The following PHYHIPL variants were observed in gnomAD, a reference collection of about 807,000 sequenced individuals.
The protein encoded by PHYHIPL is phytanoyl-CoA hydroxylase-interacting protein-like.
A neutral mutation model predicts 33.4 loss-of-function variants in PHYHIPL; 9 were observed. The ratio of observed to expected loss-of-function variants is 0.27; its 90% CI spans 0.16 to 0.47. The LOEUF is 0.47. Among genes scored for constraint, PHYHIPL ranks in the 20% least tolerant of loss-of-function variants. The pLI is 0.99. For synonymous variants in PHYHIPL, 153 were observed against 154.1 expected (o/e 0.99, Z 0.05); for missense variants, 365 against 460.7 (o/e 0.79, Z 1.90).
chr10:59,188,778 A>C (rs1768000580), intron 1 of PHYHIPL, among the ~76,000 whole-genome samples: 1 of 152,186 alleles, frequency 6.6e-6, no homozygotes, highest in Admixed American at 6.5e-5. Flanking sequence ...ATCCGAGACT[A>C]AGATTGCAAC....
intron 1 of PHYHIPL, among the ~76,000 whole-genome samples, chr10:59,199,720 C>A (rs944218541): frequency 1.3e-5 from 2 of 152,164 alleles, no homozygotes; most frequent in Non-Finnish European, 2.9e-5. Context: ...TTTGTATCCT[C>A]TTTTATTTCT....
At chr10:59,244,905 A>G in intron 4 of PHYHIPL, 152 bp from the exon 5 acceptor site, 2 of 727,942 alleles carry the variant, frequency 2.7e-6, no homozygotes, top group South Asian at 2.4e-5. Context: ...TCTATAGGTA[A>G]TATGTCAAAA....
intron 1 of PHYHIPL, among the ~76,000 whole-genome samples, chr10:59,188,053 A>G (rs561463989): frequency 6.6e-6 from 1 of 152,052 alleles, no homozygotes; most frequent in South Asian, 2.1e-4. Context: ...TTTAATTGTG[A>G]TGTTAAGGTG....
upstream of PHYHIPL, among the ~76,000 whole-genome samples, chr10:59,175,082 A>G (rs1173915650): frequency 6.6e-6 from 1 of 152,178 alleles, no homozygotes; most frequent in African/African-American, 2.4e-5. Flanking sequence ...TACAATACCA[A>G]TTTCTAGTTC....
intron 1 of PHYHIPL, among the ~76,000 whole-genome samples, chr10:59,200,475 A>T: frequency 6.6e-6 from 1 of 151,996 alleles, no homozygotes; most frequent in Admixed American, 6.6e-5. Flanking sequence ...TTTATTTTGG[A>T]TTTTTGCATC....
chr10:59,235,432 A>G (rs1188588749), intron 2 of PHYHIPL, among the ~76,000 whole-genome samples: 1 of 151,738 alleles, frequency 6.6e-6, no homozygotes, highest in African/African-American at 2.4e-5. Flanking sequence ...ATTTTTTAAT[A>G]TTGATATTAA....
chr10:59,177,243 C>A (rs1052956310), intron 1 of PHYHIPL: 1 of 583,942 alleles, frequency 1.7e-6, no homozygotes, highest in African/African-American at 1.9e-5. Context: ...CGTTCCCGCT[C>A]GCGGCTCCTG....
At chr10:59,188,055 G>A (rs1838666142) in intron 1 of PHYHIPL, among the ~76,000 whole-genome samples, 2 of 152,158 alleles carry the variant, frequency 1.3e-5, no homozygotes, top group Non-Finnish European at 2.9e-5. Context: ...TAATTGTGAT[G>A]TTAAGGTGTC....
intron 3 of PHYHIPL, among the ~76,000 whole-genome samples, chr10:59,237,410 G>A (rs953192347): frequency 2.0e-5 from 3 of 151,744 alleles, no homozygotes; most frequent in African/African-American, 7.3e-5. Flanking sequence ...CTTTCCTTTT[G>A]TCTTTTAGAA....
At chr10:59,183,133 T>C (rs906475715) in intron 1 of PHYHIPL, among the ~76,000 whole-genome samples, 5 of 152,068 alleles carry the variant, frequency 3.3e-5, no homozygotes, top group African/African-American at 4.8e-5. Context: ...TGATATTCTT[T>C]TGAGGCTTTT....
At chr10:59,236,366 C>T (rs1840229857) in intron 2 of PHYHIPL, 117 bp from the exon 3 acceptor site, 3 of 509,914 alleles carry the variant, frequency 5.9e-6, no homozygotes, top group African/African-American at 2.0e-5. Flanking sequence ...TCCCTTCTTC[C>T]TTCCCTCCTT....
At chr10:59,177,408 T>A (rs1589252602) in intron 1 of PHYHIPL, 1 of 1,421,062 alleles carries the variant, frequency 7.0e-7, no homozygotes, top group Non-Finnish European at 9.3e-7. Flanking sequence ...TCATTTTCTT[T>A]TTTAAACCTC....
rs1339239610 is a variant in PHYHIPL at position 59,245,192 on chromosome 10, T to C, written c.732T>C (p.Asp244=). 5.6e-6 allele frequency: 9 copies of C among 1,614,184 alleles called. No individual in the cohort carries two copies. Among genetic ancestry groups the C allele is most frequent in the East Asian group, 2.2e-5 (1 of 44,874 alleles). The change falls in exon 5 of 5, where the codon GAT becomes GAC. Residue 244 remains aspartate (D), a synonymous_variant. Coordinates refer to ENST00000373880, the MANE Select transcript of PHYHIPL (RefSeq NM_032439.4). Reference sequence around the variant, plus strand: ...TCAATACTGGAAAGCCACCCCAGGATTCACCTTATGGAAGATACAGGTTTG... The same window carrying C: ...TCAATACTGGAAAGCCACCCCAGGACTCACCTTATGGAAGATACAGGTTTG... ...TEFNTGKPPQ[D]SPYGRYRFEI... is the part of the protein sequence containing the mutation.
At chr10:59,243,868 A>T (rs986229374) in intron 4 of PHYHIPL, among the ~76,000 whole-genome samples, 2 of 152,134 alleles carry the variant, frequency 1.3e-5, no homozygotes, top group Non-Finnish European at 2.9e-5. Context: ...CAAATAGGGG[A>T]TGCTAAAGGA....
At chr10:59,173,921 G>GTTTTTTTTTTTTTTTTTTTTTTT (rs368316005), upstream of PHYHIPL, among the ~76,000 whole-genome samples, 1 of 57,558 alleles carries the variant, frequency 1.7e-5, no homozygotes, top group African/African-American at 5.7e-5. Flanking sequence ...TACTTCTGAG[G>GTTTTTTTTTTTTTTTTTTTTTTT]TTTTTTTTTT....
chr10:59,244,512 C>G (rs1840557512), intron 4 of PHYHIPL, among the ~76,000 whole-genome samples: 1 of 125,890 alleles, frequency 7.9e-6, no homozygotes, highest in African/African-American at 3.0e-5. Context: ...TGCAGTGAGC[C>G]AAGATCGTGC....
intron 1 of PHYHIPL, among the ~76,000 whole-genome samples, chr10:59,204,872 T>G (rs1005230714): frequency 6.6e-6 from 1 of 151,502 alleles, no homozygotes; most frequent in Admixed American, 6.6e-5. Context: ...AGTTTTTTTT[T>G]TTTTTTTTTT....
chr10:59,214,274 A>C (rs1444448808), intron 1 of PHYHIPL, among the ~76,000 whole-genome samples: 1 of 150,838 alleles, frequency 6.6e-6, no homozygotes, highest in African/African-American at 2.4e-5. Context: ...CATAACAAGA[A>C]AGATTGATAA....
rs1012522303 is a variant in PHYHIPL, at chr10:59,177,429, A to T, written c.106+470A>T. 2.0e-6 allele frequency: 3 copies of T among 1,482,102 alleles called. No homozygotes were observed. In the Admixed American group the frequency reaches 7.2e-5, roughly 36 times the overall value. The allele number at this position is 1,482,102 out of a possible 1,614,324, so 91.8% of individuals were successfully genotyped here. On this transcript the variant is annotated intron_variant, in intron 1 of 4. Coordinates refer to ENST00000373880, the MANE Select transcript of PHYHIPL (RefSeq NM_032439.4). ...TCTTTTTTAAACCTCCCATCCTCAG[A>T]CTCCCCAAATTAACAAGTCTTTTTA...
Sources: allele counts gnomAD v4.1 joint callset (sites outside exome capture counted in the v4.1 genomes callset), GRCh38; gene constraint gnomAD v4.1.1; transcripts MANE v1.5; gene names NCBI Gene and HGNC (gene_info 2026-07-23, HGNC 2026-07-21).